Variants in LINGO2 observed in about 807,000 individuals in gnomAD.
LINGO2 encodes the protein leucine rich repeat and Ig domain containing 2, also known as leucine-rich repeat and immunoglobulin-like domain-containing nogo receptor-interacting protein 2.
Under a neutral mutation model 30.6 loss-of-function variants are expected in LINGO2, and 14 were observed. That is an observed-to-expected ratio of 0.46 (90% CI 0.30 to 0.72). The LOEUF (loss-of-function observed/expected upper bound fraction) is 0.72. Among genes scored for constraint, LINGO2 ranks in the 30% least tolerant of loss-of-function variants. LINGO2 has a pLI of 0.07. For synonymous variants in LINGO2, 317 were observed against 288.5 expected (o/e 1.10, Z -1.00); for missense variants, 729 against 751.7 (o/e 0.97, Z 0.35).
intron 4 of LINGO2, among the ~76,000 whole-genome samples, chr9:28,253,619 A>G (rs1388988091): frequency 6.6e-6 from 1 of 152,140 alleles, no homozygotes; most frequent in Non-Finnish European, 1.5e-5. Context: ...CTTTTCTCAG[A>G]TTTGAATGAC....
the LINGO2 span, among the ~76,000 whole-genome samples, chr9:28,857,893 T>C: frequency 6.6e-6 from 1 of 152,028 alleles, no homozygotes; most frequent in African/African-American, 2.4e-5. Context: ...CCTATTTCTT[T>C]TAATTTTTTT....
intron 4 of LINGO2, among the ~76,000 whole-genome samples, chr9:28,237,897 A>G (rs989473360): frequency 9.9e-5 from 15 of 152,058 alleles, no homozygotes; most frequent in Non-Finnish European, 2.1e-4. Context: ...CACTTCACTG[A>G]TAAATATGCA....
Position 28,216,411 on chromosome 9 carries a change from T to C in LINGO2, c.-87+78797A>G, listed in dbSNP as rs185723308. Among the ~76,000 whole-genome samples the C allele has an allele frequency of 3.9e-5, 6 of 152,014 alleles. No individual in the cohort carries two copies. In the East Asian group the frequency reaches 1.2e-3, roughly 29 times the overall value. ...TTGTTAGTAAAAAGGTGCTATCAAA[T>C]AGTTAAATGAAGAAAGAGTAGAAAA... On this transcript the variant is annotated intron_variant, in intron 4 of 5. Transcript: ENST00000379992.
the LINGO2 span, among the ~76,000 whole-genome samples, chr9:28,718,656 G>T: frequency 6.6e-6 from 1 of 151,900 alleles, no homozygotes; most frequent in East Asian, 1.9e-4. Flanking sequence ...TTTGTTCCTA[G>T]GCTAAAAGCC....
At chr9:28,306,502 C>A in intron 3 of LINGO2, among the ~76,000 whole-genome samples, 1 of 152,058 alleles carries the variant, frequency 6.6e-6, no homozygotes, top group Non-Finnish European at 1.5e-5. Context: ...GACACCCTAA[C>A]ATCACAATTA....
At chr9:28,642,373 C>T (rs1827632874) in intron 1 of LINGO2, among the ~76,000 whole-genome samples, 1 of 151,990 alleles carries the variant, frequency 6.6e-6, no homozygotes, top group South Asian at 2.1e-4. Flanking sequence ...TAATCAATAC[C>T]ATCTTAATTC....
the LINGO2 span, among the ~76,000 whole-genome samples, chr9:28,835,683 A>G: frequency 6.6e-6 from 1 of 152,214 alleles, no homozygotes; most frequent in African/African-American, 2.4e-5. Context: ...TTGCCTGTCC[A>G]GCTTGCTAAC....
intron 2 of LINGO2, among the ~76,000 whole-genome samples, chr9:28,405,025 A>C (rs1287703337): frequency 2.0e-5 from 3 of 151,998 alleles, no homozygotes; most frequent in African/African-American, 7.3e-5. Flanking sequence ...TTTTCAATTA[A>C]ATTTAAAAAG....
chr9:28,791,857 A>G, the LINGO2 span, among the ~76,000 whole-genome samples: 1 of 151,784 alleles, frequency 6.6e-6, no homozygotes, highest in Non-Finnish European at 1.5e-5. Context: ...AAATTATTTT[A>G]GAGATGAAAA....
the LINGO2 span, among the ~76,000 whole-genome samples, chr9:29,004,233 CTTTTTA>C: frequency 1.3e-5 from 2 of 151,890 alleles, no homozygotes; most frequent in African/African-American, 4.8e-5. Flanking sequence ...TTCTCTCTCT[CTTTTTA>C]TAATTCTTTA....
chr9:28,601,885 G>T (rs1161485154), intron 1 of LINGO2, among the ~76,000 whole-genome samples: 3 of 152,006 alleles, frequency 2.0e-5, no homozygotes, highest in African/African-American at 7.2e-5. Context: ...AGTGAAAAAA[G>T]GCAGATTGAG....
chr9:28,804,261 T>C, the LINGO2 span, among the ~76,000 whole-genome samples: 3 of 152,106 alleles, frequency 2.0e-5, no homozygotes, highest in Non-Finnish European at 2.9e-5. Flanking sequence ...ATGCAGCTAT[T>C]GGGGCCAATG....
the LINGO2 span, among the ~76,000 whole-genome samples, chr9:29,167,542 A>G: frequency 6.6e-6 from 1 of 152,188 alleles, no homozygotes; most frequent in Non-Finnish European, 1.5e-5. Flanking sequence ...CTTAAAAGAA[A>G]GAAGTATCTG....
the LINGO2 span, among the ~76,000 whole-genome samples, chr9:29,132,030 A>G: frequency 4.6e-5 from 7 of 151,838 alleles, no homozygotes; most frequent in Admixed American, 2.6e-4. Flanking sequence ...AGCCAGGTCC[A>G]GGTGAAGGCA....
chr9:28,170,642 T>C (rs1474775188), intron 4 of LINGO2, among the ~76,000 whole-genome samples: 1 of 152,190 alleles, frequency 6.6e-6, no homozygotes, highest in Non-Finnish European at 1.5e-5. Context: ...GTCAAAAGTG[T>C]AAAATGGGTC....
chr9:28,456,312 C>T (rs1719399433), intron 2 of LINGO2, among the ~76,000 whole-genome samples: 1 of 152,202 alleles, frequency 6.6e-6, no homozygotes. Context: ...CCTATGCACA[C>T]ACTTCTTCCT....
At chr9:28,167,241 C>T (rs1449277085) in intron 4 of LINGO2, among the ~76,000 whole-genome samples, 1 of 150,918 alleles carries the variant, frequency 6.6e-6, no homozygotes, top group Non-Finnish European at 1.5e-5. Context: ...GTAAGATTCC[C>T]ATGCTCTGTT....
At chr9:28,707,689 T>G in the LINGO2 span, among the ~76,000 whole-genome samples, 1 of 152,062 alleles carries the variant, frequency 6.6e-6, no homozygotes, top group African/African-American at 2.4e-5. Flanking sequence ...AATCATGAGA[T>G]GCTGTCTGGT....
chr9:28,923,003 G>A, the LINGO2 span, among the ~76,000 whole-genome samples: 1 of 152,120 alleles, frequency 6.6e-6, no homozygotes, highest in African/African-American at 2.4e-5. Flanking sequence ...GAAGTACAAG[G>A]TTAAGCTACT....
Sources: allele counts gnomAD v4.1 joint callset (sites outside exome capture counted in the v4.1 genomes callset), GRCh38; gene constraint gnomAD v4.1.1; transcripts MANE v1.5; gene names NCBI Gene and HGNC (gene_info 2026-07-23, HGNC 2026-07-21).